FBXO34: variants seen among roughly 807,000 people sequenced by gnomAD.
The protein encoded by FBXO34 is F-box protein 34, also known as F-box only protein 34.
In FBXO34, 12 loss-of-function variants were observed where a neutral mutation model predicts 24.5. That is an observed-to-expected ratio of 0.49 (90% CI 0.31 to 0.79). The LOEUF (loss-of-function observed/expected upper bound fraction) is 0.79, where lower values mean the gene tolerates loss of function less well. Ranked by LOEUF, FBXO34 falls within the 30% of genes least tolerant of loss-of-function variation. FBXO34 has a pLI of 0.04. For synonymous variants in FBXO34, 320 were observed against 311.9 expected, an observed-to-expected ratio of 1.03 and a Z score of -0.27; for missense variants, 823 against 857.7, an observed-to-expected ratio of 0.96 and a Z score of 0.51.
chr14:55,414,599 T>C, the FBXO34 span: 6 of 627,242 alleles, frequency 9.6e-6, no homozygotes, highest in Non-Finnish European at 1.5e-5. Flanking sequence ...TTATTCCGGG[T>C]AAATAATTTG....
chr14:55,327,093 A>G (rs1241274770), intron 1 of FBXO34, among the ~76,000 whole-genome samples: 4 of 152,210 alleles, frequency 2.6e-5, no homozygotes, highest in Non-Finnish European at 5.9e-5. Flanking sequence ...GAATAGTACT[A>G]TATGAGGACA....
chr14:55,369,889 C>G (rs201913375), downstream of FBXO34: 1 of 1,613,794 alleles, frequency 6.2e-7, no homozygotes, highest in African/African-American at 1.3e-5. Flanking sequence ...ATTCCATGGA[C>G]TCCTCAAGGT....
chr14:55,312,674 T>C (rs899461143), intron 1 of FBXO34, among the ~76,000 whole-genome samples: 2 of 152,226 alleles, frequency 1.3e-5, no homozygotes, highest in African/African-American at 2.4e-5. Flanking sequence ...ACACCATGTG[T>C]AAGCTGCCAA....
chr14:55,298,292 C>G (rs1239101406), intron 1 of FBXO34, among the ~76,000 whole-genome samples: 3 of 151,986 alleles, frequency 2.0e-5, no homozygotes, highest in Non-Finnish European at 2.9e-5. Context: ...CAGTGTGGCC[C>G]AGGGAAGCCA....
chr14:55,371,809 A>T (rs1884824831), downstream of FBXO34, among the ~76,000 whole-genome samples: 1 of 150,758 alleles, frequency 6.6e-6, no homozygotes, highest in Non-Finnish European at 1.5e-5. Context: ...GTCTCAAAAA[A>T]CAAACAAAAA....
At chr14:55,341,963 G>A (rs1176452718) in intron 1 of FBXO34, among the ~76,000 whole-genome samples, 2 of 152,174 alleles carry the variant, frequency 1.3e-5, no homozygotes, top group Admixed American at 1.3e-4. Flanking sequence ...TCCAACAAAA[G>A]TGGGCTGGGG....
intron 1 of FBXO34, among the ~76,000 whole-genome samples, chr14:55,280,454 T>C (rs116928278): frequency 6.6e-6 from 1 of 152,220 alleles, no homozygotes; most frequent in East Asian, 1.9e-4. Context: ...TTAAGTAATC[T>C]AGAGTTTGTT....
At chr14:55,433,388 A>T in the FBXO34 span, among the ~76,000 whole-genome samples, 1 of 148,658 alleles carries the variant, frequency 6.7e-6, no homozygotes, top group African/African-American at 2.5e-5. Flanking sequence ...CCTGGGCTCA[A>T]GCGATCCTCC....
downstream of FBXO34, among the ~76,000 whole-genome samples, chr14:55,371,672 C>T (rs1166227310): frequency 1.3e-5 from 2 of 152,088 alleles, no homozygotes; most frequent in African/African-American, 2.4e-5. Flanking sequence ...GGTGTGATGG[C>T]GGGCACCTGT....
At chr14:55,382,320 T>C in the FBXO34 span, 1 of 738,620 alleles carries the variant, frequency 1.4e-6, no homozygotes, top group Non-Finnish European at 2.2e-6. Flanking sequence ...TAAATTTTTA[T>C]TTTTTATTTT....
At position 55,338,921 on chromosome 14, in the gene FBXO34, CAAA is replaced by C. The variant is rs59912336; in HGVS notation, c.-10-11450_-10-11448del. Among the ~76,000 whole-genome samples the C allele has an allele frequency of 3.9e-4, 52 of 134,632 alleles. 3 individuals carry two copies. The South Asian group carries it at 9.8e-3, about 25-fold the overall frequency. 88.3% of individuals were successfully genotyped at this position (134,632 alleles called of 152,430 possible). ...ACTCCATCTCAAAAACAAAAAAAAA[CAAA>C]AAAAAAAAAGCCAAAAAAAACCCCC... On this transcript the variant is annotated intron_variant, in intron 1 of 1. Transcript: ENST00000313833.
the FBXO34 span, among the ~76,000 whole-genome samples, chr14:55,426,571 G>A: frequency 8.5e-5 from 13 of 152,252 alleles, no homozygotes; most frequent in South Asian, 6.2e-4. Context: ...TGTTTTTAAT[G>A]TTCCCAGTGT....
the FBXO34 span, among the ~76,000 whole-genome samples, chr14:55,409,662 GTA>G: frequency 2.0e-5 from 3 of 152,146 alleles, no homozygotes; most frequent in African/African-American, 7.2e-5. Context: ...AGTGTTCTTG[GTA>G]TGTTTGAGGA....
downstream of FBXO34, among the ~76,000 whole-genome samples, chr14:55,356,452 GGTTT>G (rs1407507506): frequency 8.5e-5 from 13 of 152,088 alleles, no homozygotes; most frequent in Admixed American, 2.0e-4. Flanking sequence ...TTCTGGGGTT[GGTTT>G]GTTTGTTTTG....
At chr14:55,411,934 AC>A in the FBXO34 span, 813 of 995,290 alleles carry the variant, frequency 8.2e-4, no homozygotes, top group Non-Finnish European at 1.1e-3. Flanking sequence ...GAGCCCCCGG[AC>A]CCCTCCGCCG....
the FBXO34 span, chr14:55,395,150 A>G: frequency 1.1e-5 from 5 of 470,846 alleles, no homozygotes; most frequent in Non-Finnish European, 2.2e-5. Flanking sequence ...TTGCAGGAGC[A>G]GGTTCAGCTG....
At chr14:55,398,764 T>C in the FBXO34 span, among the ~76,000 whole-genome samples, 1 of 152,104 alleles carries the variant, frequency 6.6e-6, no homozygotes, top group East Asian at 1.9e-4. Context: ...AAATGTCTTC[T>C]AGATCTGTGC....
At chr14:55,421,537 C>T in the FBXO34 span, among the ~76,000 whole-genome samples, 1 of 152,192 alleles carries the variant, frequency 6.6e-6, no homozygotes, top group Non-Finnish European at 1.5e-5. Context: ...GAACTTGGCT[C>T]ACTGCAGCCT....
chr14:55,298,701 A>T lies in FBXO34; in HGVS notation c.-11+27164A>T. On this transcript the variant is annotated intron_variant, in intron 1 of 1. Transcript: ENST00000313833. ...GGGCGGCCTGACCCTCCAGGAGGCC[A>T]TCCAGCGGCTGCGGGACACGGAGGA... 3.2e-6 allele frequency: 5 copies of T among 1,567,892 alleles called. No homozygotes were observed. The South Asian group carries it at 5.7e-5, about 18-fold the overall frequency.
Sources: gnomAD v4.1 joint callset for allele counts (sites outside exome capture counted in the v4.1 genomes callset) on GRCh38, gnomAD v4.1.1 for gene constraint, MANE v1.5 for transcripts, NCBI Gene and HGNC (gene_info 2026-07-23, HGNC 2026-07-21) for gene names.